KCNQ1: variants seen among roughly 807,000 people sequenced by gnomAD.
The protein encoded by KCNQ1 is potassium voltage-gated channel subfamily Q member 1.
KCNQ1 carries 49 observed loss-of-function variants against 72.4 expected under a neutral mutation model. That is an observed-to-expected ratio of 0.68 (90% CI 0.54 to 0.86). KCNQ1 has a LOEUF of 0.86. Ranked by LOEUF, KCNQ1 falls within the 40% of genes least tolerant of loss-of-function variation. The probability of loss-of-function intolerance (pLI) is 0.00; values close to 1 mark genes in which losing one functional copy is unlikely to be tolerated. For missense variants in KCNQ1, 790 were observed against 945.1 expected (o/e 0.84, Z 2.15); for synonymous variants, 450 against 412.6 (o/e 1.09, Z -1.10).
intron 11 of KCNQ1, chr11:2,665,037 A>T: frequency 2.5e-6 from 1 of 398,556 alleles, no homozygotes; most frequent in Non-Finnish European, 4.4e-6. Context: ...GGGGGTGAGC[A>T]GGCCTGATGC....
intron 11 of KCNQ1, among the ~76,000 whole-genome samples, chr11:2,739,132 C>T (rs968564588): frequency 3.3e-5 from 5 of 152,204 alleles, no homozygotes; most frequent in African/African-American, 1.2e-4. Flanking sequence ...GTGTGCAGTG[C>T]GTCTGGCACA....
At chr11:2,522,755 T>C (rs1176097872) in intron 1 of KCNQ1, among the ~76,000 whole-genome samples, 2 of 152,186 alleles carry the variant, frequency 1.3e-5, no homozygotes, top group Non-Finnish European at 2.9e-5. Context: ...CGGGGGAACG[T>C]TCCTCAGCCC....
intron 2 of KCNQ1, among the ~76,000 whole-genome samples, chr11:2,558,147 C>A (rs1848099133): frequency 6.6e-6 from 1 of 152,260 alleles, no homozygotes; most frequent in Non-Finnish European, 1.5e-5. Context: ...GTAGGCCCCG[C>A]TGCCTGCCCC....
At position 2,612,210 on chromosome 11, in the gene KCNQ1, C is replaced by T; in HGVS notation, c.1393+23356C>T. On this transcript the variant is annotated intron_variant, in intron 10 of 15. Transcript: ENST00000155840. This position sits in a 1 kb window ranked among gnomAD's most constrained non-coding sequence, Gnocchi z 5.5. ...AGCAAGCATTACTGCCTGAGCTCTG[C>T]CTCCTGTCTGATCAGTGATGGCATT... 1.8e-5 allele frequency: 7 copies of T among 398,662 alleles called. No homozygotes were observed. The allele number at this position is 398,662 out of a possible 1,614,324, so 24.7% of individuals were successfully genotyped here.
chr11:2,644,816 C>G, intron 10 of KCNQ1: 1 of 398,652 alleles, frequency 2.5e-6, no homozygotes, highest in Non-Finnish European at 4.4e-6. Context: ...CAGCTGTAAA[C>G]AGCACCAGTA....
chr11:2,585,135 C>T (rs746186059), intron 7 of KCNQ1, 77 bp from the exon 8 acceptor site: 98 of 1,315,818 alleles, frequency 7.4e-5, no homozygotes, highest in Middle Eastern at 2.0e-4. Context: ...CAACGGTGAC[C>T]GGTAACCACG....
At chr11:2,452,892 A>G (rs931438707) in intron 1 of KCNQ1, among the ~76,000 whole-genome samples, 1 of 152,128 alleles carries the variant, frequency 6.6e-6, no homozygotes, top group Non-Finnish European at 1.5e-5. Context: ...GTGGGTGGCC[A>G]TGTGGAAAGT....
intron 1 of KCNQ1, among the ~76,000 whole-genome samples, chr11:2,514,902 G>T (rs745319946): frequency 6.6e-6 from 1 of 152,188 alleles, no homozygotes; most frequent in Non-Finnish European, 1.5e-5. Context: ...ACCCTGAGCC[G>T]CCAGTGGGTC....
At position 2,676,332 on chromosome 11, in the gene KCNQ1, G is replaced by C. The variant is rs1246570659; in HGVS notation, c.1514+14251G>C. 5.0e-6 allele frequency: 2 copies of C among 398,530 alleles called. No homozygotes were observed. The highest frequency in any genetic ancestry group is 4.1e-5 in the African/African-American group (2 of 48,642). 24.7% of individuals were successfully genotyped at this position (398,530 alleles called of 1,614,324 possible). On this transcript the variant is annotated intron_variant, in intron 11 of 15. Transcript: ENST00000155840. This position sits in a 1 kb window ranked among gnomAD's most constrained non-coding sequence, Gnocchi z 4.2. ...GGTGATGGCTCTGAACAGTGTAGTT[G>C]AAGTGCTGTTTTCTCATGGTTGGGC...
At chr11:2,665,393 G>A in intron 11 of KCNQ1, 1 of 398,088 alleles carries the variant, frequency 2.5e-6, no homozygotes, top group Non-Finnish European at 4.4e-6. Flanking sequence ...TACCCCAAGA[G>A]CCAGGATGAG....
Position 2,471,488 on chromosome 11 carries a change from C to A in KCNQ1, c.386+26004C>A, listed in dbSNP as rs965920437. Among the ~76,000 whole-genome samples, 2 of 152,348 alleles carry A rather than the reference C, an allele frequency of 1.3e-5. No individual in the cohort carries two copies. The highest frequency in any genetic ancestry group is 2.9e-5 in the Non-Finnish European group (2 of 68,036). ...ATCTCGCCCCACACACCACCAGGTC[C>A]CCAGGACTTGGAGGATGCTGATGGC... On this transcript the variant is annotated intron_variant, in intron 1 of 15. Transcript: ENST00000155840. This position sits in a 1 kb window ranked among gnomAD's most constrained non-coding sequence, Gnocchi z 4.8.
Position 2,803,998 on chromosome 11 carries a change from A to C in KCNQ1, c.1794+25961A>C, listed in dbSNP as rs163166. ...CGCAGCCCCAACTGCAGCGGAAGGT[A>C]TCGGGGAGTCGAAGGCAGAGGGGAA... On this transcript the variant is annotated intron_variant, in intron 15 of 15. Transcript: ENST00000155840. This position sits in a 1 kb window ranked among gnomAD's most constrained non-coding sequence, Gnocchi z 6.4. Among the ~76,000 whole-genome samples, 131,508 of 152,096 alleles carry C rather than the reference A, an allele frequency of 0.86. 57,020 individuals carry two copies. Among genetic ancestry groups the C allele is most frequent in the East Asian group, 1 (5,155 of 5,158 alleles).
intron 6 of KCNQ1, among the ~76,000 whole-genome samples, chr11:2,574,451 C>T (rs541383380): frequency 2.2e-4 from 34 of 152,066 alleles, no homozygotes; most frequent in South Asian, 6.2e-4. Flanking sequence ...GGCCTGGGGG[C>T]CGCACGGGGG....
chr11:2,777,165 C>T lies in KCNQ1; in HGVS notation c.1732+133C>T, dbSNP rs536282382. 5.5e-6 allele frequency: 5 copies of T among 906,364 alleles called. No homozygotes were observed. The Admixed American group carries it at 9.9e-5, about 18-fold the overall frequency. 56.1% of individuals were successfully genotyped at this position (906,364 alleles called of 1,614,324 possible). On this transcript the variant is annotated intron_variant, in intron 14 of 15. Transcript: ENST00000155840. Reference sequence around the variant, plus strand: ...CAAAGTGCATGACATGAAATGAAAGCCAGGGAGTAAGGGGAGGTAGACCCC... The same window carrying T: ...CAAAGTGCATGACATGAAATGAAAGTCAGGGAGTAAGGGGAGGTAGACCCC...
chr11:2,659,923 A>G lies in KCNQ1; in HGVS notation c.1394-2038A>G, dbSNP rs1429657643. 7.5e-6 allele frequency: 3 copies of G among 398,354 alleles called. No homozygotes were observed. The highest frequency in any genetic ancestry group is 3.6e-5 in the East Asian group (1 of 28,016). The allele number at this position is 398,354 out of a possible 1,614,324, so 24.7% of individuals were successfully genotyped here. ...TATTGTCAAGTTGTAAGCATTCTTT[A>G]TATATTCTGAGTGCAAGTCCTTGAC... On this transcript the variant is annotated intron_variant, in intron 10 of 15. Transcript: ENST00000155840. This position sits in a 1 kb window ranked among gnomAD's most constrained non-coding sequence, Gnocchi z 4.3.
rs966927681 is a variant in KCNQ1 at position 2,813,933 on chromosome 11, T to C, written c.1795-33834T>C. Among the ~76,000 whole-genome samples, 3 of 151,236 alleles carry C rather than the reference T, an allele frequency of 2.0e-5. No individual in the cohort carries two copies. The highest frequency in any genetic ancestry group is 3.9e-4 in the East Asian group (2 of 5,140). ...ATGGATGGTTAGATGGATGAAGAGA[T>C]AGATGAATGGATAAAGAGGTGAAAG... On this transcript the variant is annotated intron_variant, in intron 15 of 15. Transcript: ENST00000155840. The surrounding 1 kb of genome is among the most constrained non-coding windows in gnomAD (Gnocchi z 4.4).
Position 2,647,216 on chromosome 11 carries a change from C to T in KCNQ1, c.1394-14745C>T, listed in dbSNP as rs972586925. 2.5e-6 allele frequency: 1 copy of T among 398,430 alleles called. No individual in the cohort carries two copies. The highest frequency in any genetic ancestry group is 4.4e-6 in the Non-Finnish European group (1 of 226,022). The allele number at this position is 398,430 out of a possible 1,614,324, so 24.7% of individuals were successfully genotyped here. On this transcript the variant is annotated intron_variant, in intron 10 of 15. Transcript: ENST00000155840. The surrounding 1 kb of genome is among the most constrained non-coding windows in gnomAD (Gnocchi z 4.0). ...TGAATTTTATCAGATGCTTTTTCTGCATCTATTGAGATGATCATGTATTTT... is the reference window on the plus strand; with the variant it reads ...TGAATTTTATCAGATGCTTTTTCTGTATCTATTGAGATGATCATGTATTTT...
intron 1 of KCNQ1, among the ~76,000 whole-genome samples, chr11:2,487,597 G>A (rs572918030): frequency 2.6e-5 from 4 of 152,098 alleles, no homozygotes; most frequent in Non-Finnish European, 5.9e-5. Context: ...CCTTGGTTAA[G>A]TTAATTCCTA....
intron 11 of KCNQ1, among the ~76,000 whole-genome samples, chr11:2,730,562 C>T (rs1845838953): frequency 6.6e-6 from 1 of 152,188 alleles, no homozygotes; most frequent in Non-Finnish European, 1.5e-5. Context: ...CGGTCAATAG[C>T]AGCGTGGTGG....
Sources: gnomAD v4.1 joint callset for allele counts (sites outside exome capture counted in the v4.1 genomes callset) on GRCh38, gnomAD v4.1.1 for gene constraint, Gnocchi (gnomAD v3.1) non-coding constraint, MANE v1.5 for transcripts, NCBI Gene and HGNC (gene_info 2026-07-23, HGNC 2026-07-21) for gene names.